The following TRDMT1 variants were observed in gnomAD, a reference collection of about 807,000 sequenced individuals.
The protein encoded by TRDMT1 is tRNA aspartic acid methyltransferase 1.
Under a neutral mutation model 51.2 loss-of-function variants are expected in TRDMT1, and 49 were observed. The observed-to-expected ratio is 0.96, with a 90% CI of 0.76 to 1.21. The LOEUF is 1.21. Among genes scored for constraint, TRDMT1 ranks in the 50% most tolerant of loss-of-function variants. The pLI is 0.00. For missense variants in TRDMT1, 534 were observed against 462.3 expected, an observed-to-expected ratio of 1.16 and a Z score of -1.42; for synonymous variants, 187 against 164.6, an observed-to-expected ratio of 1.14 and a Z score of -1.04.
intron 2 of TRDMT1, chr10:17,169,568 GCA>G: frequency 7.8e-7 from 1 of 1,278,452 alleles, no homozygotes; most frequent in African/African-American, 1.5e-5. Flanking sequence ...ACACAGGGAA[GCA>G]CACGTCAGGG....
At chr10:17,157,085 G>A (rs1317369551) in intron 8 of TRDMT1, among the ~76,000 whole-genome samples, 1 of 152,104 alleles carries the variant, frequency 6.6e-6, no homozygotes, top group East Asian at 1.9e-4. Context: ...ATTATACATT[G>A]ATCATAAGAG....
At chr10:17,168,753 T>G in intron 3 of TRDMT1, 88 bp downstream of exon 3, 1 of 915,292 alleles carries the variant, frequency 1.1e-6, no homozygotes, top group South Asian at 1.7e-5. Flanking sequence ...TAAACCTCTT[T>G]CTTTTGTAAA....
At chr10:17,191,997 G>C (rs1844749346) in intron 1 of TRDMT1, among the ~76,000 whole-genome samples, 1 of 152,212 alleles carries the variant, frequency 6.6e-6, no homozygotes, top group Non-Finnish European at 1.5e-5. Flanking sequence ...GATGAGGCAA[G>C]GTGGCATTAG....
At chr10:17,174,139 A>C (rs190366895) in intron 2 of TRDMT1, among the ~76,000 whole-genome samples, 1 of 152,322 alleles carries the variant, frequency 6.6e-6, no homozygotes, top group African/African-American at 2.4e-5. Context: ...ACAGGTGAAA[A>C]AGGTTAACCT....
At position 17,143,140 on chromosome 10, in the gene TRDMT1, A is replaced by C. The variant is rs992329131; in HGVS notation, c.*5900T>G. 3.0e-6 allele frequency: 3 copies of C among 985,344 alleles called. No homozygotes were observed. The highest frequency in any genetic ancestry group is 3.6e-6 in the Non-Finnish European group (3 of 829,946). 61.0% of individuals were successfully genotyped at this position (985,344 alleles called of 1,614,324 possible). On this transcript the variant is annotated 3_prime_UTR_variant, in exon 11 of 11. Coordinates refer to ENST00000377799, the MANE Select transcript of TRDMT1 (RefSeq NM_004412.7). ...TAACAGACAAATTAAATAGTTTTCAAGAGAACAACTTAAAGACATTGTTTG... is the reference window on the plus strand; with the variant it reads ...TAACAGACAAATTAAATAGTTTTCACGAGAACAACTTAAAGACATTGTTTG...
In TRDMT1 at chr10:17,198,122, C is replaced by A. The variant is rs186611483; in HGVS notation, c.64+3449G>T. Among the ~76,000 whole-genome samples the A allele has an allele frequency of 4.6e-5, 7 of 152,092 alleles. No individual in the cohort carries two copies. In the East Asian group the frequency reaches 1.4e-3, roughly 29 times the overall value. The stretch of plus-strand genomic sequence containing the variant: ...TCAAAACCACAATAGGATATGATTT[C>A]ATATCCATCAGAATGGCTATTATTT... On this transcript the variant is annotated intron_variant, in intron 1 of 10. Coordinates refer to ENST00000377799, the MANE Select transcript of TRDMT1 (RefSeq NM_004412.7).
Position 17,161,489 on chromosome 10 carries a change from G to A in TRDMT1, c.383C>T (p.Ser128Phe), listed in dbSNP as rs1455939810. 7.3e-7 allele frequency: 1 copy of A among 1,371,874 alleles called. No homozygotes were observed. The highest frequency in any genetic ancestry group is 2.5e-5 in the East Asian group (1 of 39,242). 85.0% of individuals were successfully genotyped at this position (1,371,874 alleles called of 1,614,324 possible). ...LENVKGFEVS[S>F]TRDLLIQTIE... ...GACAAATACATTTTTTTACCTTGTA[G>A]AAGATACTTCAAAACCTTTAACATT... Residue 128 changes from serine (S) to phenylalanine (F), a missense_variant, in exon 5 of 11, where the codon TCT becomes TTT. Coordinates refer to ENST00000377799, the MANE Select transcript of TRDMT1 (RefSeq NM_004412.7).
rs979879893 is a variant in TRDMT1 at position 17,153,576 on chromosome 10, A to G, written c.1006T>C (p.Leu336=). ...GTGAAATATCGCAGTTTAAGTATTA[A>G]CAGCTTTGTTATCTGTTCTTCTTGT... ...LSQEEQITKL[L]ILKLRYFTPK... Residue 336 remains leucine (L), a synonymous_variant, in exon 10 of 11, where the codon TTA becomes CTA. Transcript: ENST00000377799. 6.2e-7 allele frequency: 1 copy of G among 1,612,668 alleles called. No individual in the cohort carries two copies. The highest frequency in any genetic ancestry group is 1.3e-5 in the African/African-American group (1 of 74,850).
rs1427393096 is a variant in TRDMT1 at position 17,145,819 on chromosome 10, A to C, written c.*3221T>G. 1.0e-6 allele frequency: 1 copy of C among 985,360 alleles called. No individual in the cohort carries two copies. Among genetic ancestry groups the C allele is most frequent in the East Asian group, 1.1e-4 (1 of 8,826 alleles). 61.0% of individuals were successfully genotyped at this position (985,360 alleles called of 1,614,324 possible). A position where few individuals can be genotyped will look rare whatever the true frequency, so the allele number is the denominator to read the frequency against. On this transcript the variant is annotated 3_prime_UTR_variant, in exon 11 of 11. Transcript: ENST00000377799. ...AGCTGGCCTGCAGAATGCATCCTTT[A>C]GTAGGTGCTTGATATTAGATGAAAT...
intron 10 of TRDMT1, chr10:17,150,509 TATC>T (rs1361123911): frequency 8.1e-6 from 8 of 985,226 alleles, no homozygotes; most frequent in Non-Finnish European, 9.6e-6. Flanking sequence ...GCCTTGCAAA[TATC>T]AGCATAAAAG....
In TRDMT1 at chr10:17,141,316, C is replaced by T. The variant is rs1465256045; in HGVS notation, c.*7724G>A. ...AGCTGGGACTACAGGCATGCACCAC[C>T]ATGCCCGGCTAATTTTTTTGATTTT... is the stretch of plus-strand genomic sequence containing the variant. On this transcript the variant is annotated 3_prime_UTR_variant, in exon 11 of 11. Coordinates refer to ENST00000377799, the MANE Select transcript of TRDMT1 (RefSeq NM_004412.7). 6.6e-6 allele frequency among the ~76,000 whole-genome samples: 1 copy of T among 152,174 alleles called. No homozygotes were observed. Among genetic ancestry groups the T allele is most frequent in the Non-Finnish European group, 1.5e-5 (1 of 68,026 alleles).
At chr10:17,156,162 C>T (rs1839467857) in intron 8 of TRDMT1, among the ~76,000 whole-genome samples, 2 of 151,764 alleles carry the variant, frequency 1.3e-5, no homozygotes, top group Admixed American at 1.3e-4. Flanking sequence ...CCTGAATTGA[C>T]AAATCATACA....
At position 17,162,226 on chromosome 10, in the gene TRDMT1, T is replaced by C. The variant is rs1429264174; in HGVS notation, c.263A>G (p.Gln88Arg). The change falls in exon 4 of 11, where the codon CAG becomes CGG. Residue 88 changes from glutamine to arginine, a missense_variant. Coordinates refer to ENST00000377799, the MANE Select transcript of TRDMT1 (RefSeq NM_004412.7). The part of the protein sequence containing the change: ...PCQPFTRIGR[Q>R]GDMTDSRTNS... ...CGTCCTTGAATCAGTCATATCACCCTGCCGGCCAATCCTAAAGGGGTAAAA... is the reference window on the plus strand; with the variant it reads ...CGTCCTTGAATCAGTCATATCACCCCGCCGGCCAATCCTAAAGGGGTAAAA... 6.3e-7 allele frequency: 1 copy of C among 1,592,890 alleles called. No individual in the cohort carries two copies. The highest frequency in any genetic ancestry group is 8.5e-7 in the Non-Finnish European group (1 of 1,172,326).
chr10:17,157,648 G>T lies in TRDMT1; in HGVS notation c.680C>A (p.Ala227Asp), dbSNP rs754223078. The T allele has an allele frequency of 2.5e-6, 4 of 1,613,562 alleles. No individual in the cohort carries two copies. The Admixed American group carries it at 6.7e-5, about 27-fold the overall frequency. ...TGCAGTTTCAAGCTTAAAAAGAATG[G>T]CATCTTTTCCAGAACACTGTATGCT... is the stretch of plus-strand genomic sequence containing the variant. Reference protein sequence around the residue: ...DGSIQCSGKDAILFKLETAEE... With the variant: ...DGSIQCSGKDDILFKLETAEE... The change falls in exon 8 of 11, where the codon GCC (alanine) becomes GAC (aspartate). Residue 227 changes from alanine (A) to aspartate (D), a missense_variant. Ala to Asp is a moderately radical substitution (Grantham distance 126). Coordinates refer to ENST00000377799, the MANE Select transcript of TRDMT1 (RefSeq NM_004412.7).
chr10:17,166,756 G>C (rs1050664432), intron 3 of TRDMT1, among the ~76,000 whole-genome samples: 1 of 152,176 alleles, frequency 6.6e-6, no homozygotes, highest in South Asian at 2.1e-4. Context: ...TCAGCAGCTG[G>C]AGCTGTGCTA....
chr10:17,143,065 C>T lies in TRDMT1; in HGVS notation c.*5975G>A. 1.0e-6 allele frequency: 1 copy of T among 985,392 alleles called. No individual in the cohort carries two copies. The highest frequency in any genetic ancestry group is 5.2e-4 in the Middle Eastern group (1 of 1,914). The allele number at this position is 985,392 out of a possible 1,614,324, so 61.0% of individuals were successfully genotyped here. ...AGAATTATTTTTTAAATCATGTGTT[C>T]CAGACTTGAGTAACTTTGGCTGTTC... On this transcript the variant is annotated 3_prime_UTR_variant, in exon 11 of 11. Transcript: ENST00000377799.
At chr10:17,156,827 C>G (rs1177342834) in intron 8 of TRDMT1, among the ~76,000 whole-genome samples, 1 of 152,132 alleles carries the variant, frequency 6.6e-6, no homozygotes, top group African/African-American at 2.4e-5. Flanking sequence ...CTTAAATACA[C>G]TTTCAGATAC....
rs1416794926 is a variant in TRDMT1, at chr10:17,137,545, C to T, written c.*11495G>A. The T allele has an allele frequency of 6.6e-6, 1 of 152,156 alleles. No homozygotes were observed. Among genetic ancestry groups the T allele is most frequent in the East Asian group, 1.9e-4 (1 of 5,168 alleles). 9.4% of individuals were successfully genotyped at this position (152,156 alleles called of 1,614,324 possible). ...TATGGGCACACTATAGAAAGTGGTT[C>T]CACTGGCCGGGCTCAGTGCCTCGTA... On this transcript the variant is annotated 3_prime_UTR_variant, in exon 11 of 11. Coordinates refer to ENST00000377799, the MANE Select transcript of TRDMT1 (RefSeq NM_004412.7).
chr10:17,153,360 G>A, intron 10 of TRDMT1, 147 bp downstream of exon 10: 1 of 884,124 alleles, frequency 1.1e-6, no homozygotes, highest in Non-Finnish European at 1.7e-6. Context: ...GGGAAAGAGG[G>A]CAGAAAGATG....
Sources: allele counts gnomAD v4.1 joint callset (sites outside exome capture counted in the v4.1 genomes callset), GRCh38; gene constraint gnomAD v4.1.1; transcripts MANE v1.5; gene names NCBI Gene and HGNC (gene_info 2026-07-23, HGNC 2026-07-21).